MALRD1: variants seen among roughly 807,000 people sequenced by gnomAD.
MALRD1 encodes the protein MAM and LDL-receptor class A domain-containing protein 1.
In MALRD1, 247 loss-of-function variants were observed where a neutral mutation model predicts 242.1. That is an observed-to-expected ratio of 1.02 (90% confidence interval 0.92 to 1.13). MALRD1 has a LOEUF of 1.13. Among genes scored for constraint, MALRD1 ranks in the 50% most tolerant of loss-of-function variants. The probability of loss-of-function intolerance (pLI) is 0.00; values close to 1 mark genes in which losing one functional copy is unlikely to be tolerated. For synonymous variants in MALRD1, 995 were observed against 866.6 expected (o/e 1.15, Z -2.60); for missense variants, 2,989 against 2,533.1 (o/e 1.18, Z -3.86).
intron 8 of MALRD1, among the ~76,000 whole-genome samples, chr10:19,130,569 G>A (rs540906231): frequency 6.6e-6 from 1 of 152,012 alleles, no homozygotes; most frequent in Non-Finnish European, 1.5e-5. Context: ...TTATAATATG[G>A]TCTAATCCTG....
intron 28 of MALRD1, among the ~76,000 whole-genome samples, chr10:19,414,727 T>C (rs1222641031): frequency 6.6e-6 from 1 of 152,012 alleles, no homozygotes; most frequent in African/African-American, 2.4e-5. Flanking sequence ...TAATCAGCAC[T>C]GTAGTCGGCA....
chr10:19,655,018 C>G (rs1449648921), intron 36 of MALRD1, among the ~76,000 whole-genome samples: 4 of 151,998 alleles, frequency 2.6e-5, no homozygotes, highest in African/African-American at 9.7e-5. Flanking sequence ...ACTAAATATG[C>G]ATTTTAGAAA....
intron 1 of MALRD1, among the ~76,000 whole-genome samples, chr10:19,065,388 T>C (rs1408383580): frequency 6.6e-6 from 1 of 151,684 alleles, no homozygotes. Context: ...TTTTGGGTCA[T>C]TGCTATGGCA....
intron 26 of MALRD1, among the ~76,000 whole-genome samples, chr10:19,376,384 GC>G (rs1845595975): frequency 6.6e-6 from 1 of 152,086 alleles, no homozygotes; most frequent in African/African-American, 2.4e-5. Flanking sequence ...ATGTGTAGGG[GC>G]AAAATGCTGT....
At chr10:19,718,009 T>C (rs1026745722) in intron 38 of MALRD1, among the ~76,000 whole-genome samples, 1 of 124,900 alleles carries the variant, frequency 8.0e-6, no homozygotes, top group Non-Finnish European at 1.7e-5. Flanking sequence ...CCTAAATAAA[T>C]AAATAAATAA....
At chr10:19,700,439 TA>T (rs1236297368) in intron 38 of MALRD1, among the ~76,000 whole-genome samples, 1 of 152,164 alleles carries the variant, frequency 6.6e-6, no homozygotes, top group African/African-American at 2.4e-5. Context: ...AAAGTGACCA[TA>T]AATTTATGAA....
At chr10:19,710,047 C>T (rs1209566928) in intron 38 of MALRD1, among the ~76,000 whole-genome samples, 1 of 151,988 alleles carries the variant, frequency 6.6e-6, no homozygotes, top group Non-Finnish European at 1.5e-5. Flanking sequence ...CTATAGTGAG[C>T]CAATGATCAC....
At chr10:19,707,910 T>C (rs1833940551) in intron 38 of MALRD1, among the ~76,000 whole-genome samples, 1 of 121,496 alleles carries the variant, frequency 8.2e-6, no homozygotes, top group South Asian at 3.1e-4. Context: ...TGAGCTAAGA[T>C]TGGAGATTGG....
At chr10:19,529,350 A>G (rs1834235440) in intron 31 of MALRD1, among the ~76,000 whole-genome samples, 1 of 152,202 alleles carries the variant, frequency 6.6e-6, no homozygotes, top group African/African-American at 2.4e-5. Flanking sequence ...TTGTTACATA[A>G]GTTGCTTATA....
intron 18 of MALRD1, among the ~76,000 whole-genome samples, chr10:19,250,450 G>A (rs1258215875): frequency 3.3e-5 from 5 of 151,922 alleles, no homozygotes; most frequent in African/African-American, 9.7e-5. Context: ...CAGGGTATAT[G>A]GGTTCTCAGA....
Position 19,331,472 on chromosome 10 carries a change from G to T in MALRD1, c.3791G>T (p.Cys1264Phe), listed in dbSNP as rs1427037204. 1 of 1,550,332 alleles carries T rather than the reference G, an allele frequency of 6.5e-7. No homozygotes were observed. Among genetic ancestry groups the T allele is most frequent in the Non-Finnish European group, 8.7e-7 (1 of 1,146,848 alleles). Residue 1264 changes from cysteine (C) to phenylalanine (F), a missense_variant, in exon 24 of 40, where the codon TGT becomes TTT. By Grantham distance (205) the Cys-to-Phe change is radical. Transcript: ENST00000454679. Reference sequence around the variant, plus strand: ...CCTTTGCTTAGCCCAGAGAGAAAGTGTACTGATCATGAATTCATGTGTGCT... The same window carrying T: ...CCTTTGCTTAGCCCAGAGAGAAAGTTTACTGATCATGAATTCATGTGTGCT... ...CSPLLSPERK[C>F]TDHEFMCANK... is the part of the protein sequence containing the mutation.
intron 33 of MALRD1, among the ~76,000 whole-genome samples, chr10:19,573,554 TA>T (rs1409607881): frequency 9.2e-5 from 14 of 152,056 alleles, no homozygotes; most frequent in Admixed American, 3.3e-4. Flanking sequence ...GAACAATCAT[TA>T]AACTTTTCCC....
intron 36 of MALRD1, among the ~76,000 whole-genome samples, chr10:19,659,561 T>A (rs564257092): frequency 6.6e-6 from 1 of 152,306 alleles, no homozygotes; most frequent in Admixed American, 6.5e-5. Flanking sequence ...CCTGTTCATA[T>A]CAATTTCATT....
At chr10:19,638,484 G>A (rs895620837) in intron 36 of MALRD1, among the ~76,000 whole-genome samples, 1 of 152,152 alleles carries the variant, frequency 6.6e-6, no homozygotes, top group South Asian at 2.1e-4. Context: ...TTGAGTATGA[G>A]TGAGGGATGA....
At chr10:19,303,453 T>G (rs1358412671) in intron 21 of MALRD1, among the ~76,000 whole-genome samples, 1 of 151,758 alleles carries the variant, frequency 6.6e-6, no homozygotes, top group Non-Finnish European at 1.5e-5. Context: ...ATGGGAGATG[T>G]TAAGACACTT....
intron 36 of MALRD1, among the ~76,000 whole-genome samples, chr10:19,687,734 T>C (rs913668961): frequency 6.6e-6 from 1 of 152,192 alleles, no homozygotes; most frequent in Non-Finnish European, 1.5e-5. Flanking sequence ...AAAACTAATT[T>C]CGCTTTTGGC....
At chr10:19,527,577 A>C (rs552393057) in intron 31 of MALRD1, among the ~76,000 whole-genome samples, 1 of 152,188 alleles carries the variant, frequency 6.6e-6, no homozygotes, top group Non-Finnish European at 1.5e-5. Context: ...ATTAAATAGA[A>C]TCTGCTTCTG....
Position 19,128,354 on chromosome 10 carries a change from C to T in MALRD1, c.1077C>T (p.Ser359=), listed in dbSNP as rs371209342. 7.9e-5 allele frequency: 97 copies of T among 1,233,156 alleles called. 1 individual carries two copies. In the African/African-American group the frequency reaches 1.3e-3, roughly 17 times the overall value. 76.4% of individuals were successfully genotyped at this position (1,233,156 alleles called of 1,614,324 possible). A position where few individuals can be genotyped will look rare whatever the true frequency, so the allele number is the denominator to read the frequency against. ...TTCAATTCTATTATGCAATGGAAAG[C>T]AGTGTCCTGAGAGTAAGACTGTATA... ...CHLQFYYAME[S]SVLRVRLYNN... is the part of the protein sequence containing the mutation. The change falls in exon 8 of 40, where the codon AGC becomes AGT. Residue 359 remains serine (S), a synonymous_variant. Transcript: ENST00000454679.
rs982835314 is a variant in MALRD1 at position 19,675,376 on chromosome 10, C to T, written c.6138-16906C>T. On this transcript the variant is annotated intron_variant, in intron 36 of 39. Coordinates refer to ENST00000454679, the MANE Select transcript of MALRD1 (RefSeq NM_001142308.3). ...GCCGTGAATTTACTACTTACAAAGCCATTGCTCTCTGAGCTTCAATTTCCT... is the reference window on the plus strand; with the variant it reads ...GCCGTGAATTTACTACTTACAAAGCTATTGCTCTCTGAGCTTCAATTTCCT... Among the ~76,000 whole-genome samples the T allele has an allele frequency of 2.0e-5, 3 of 152,254 alleles. 1 individual carries two copies.
Sources: allele counts gnomAD v4.1 joint callset (sites outside exome capture counted in the v4.1 genomes callset), GRCh38; gene constraint gnomAD v4.1.1; transcripts MANE v1.5; gene names NCBI Gene and HGNC (gene_info 2026-07-23, HGNC 2026-07-21).